Variants in ARV1 observed in about 807,000 individuals in gnomAD.
ARV1 encodes the protein protein ARV1.
In ARV1, 26 loss-of-function variants were observed where a neutral mutation model predicts 31.1. That is an observed-to-expected ratio of 0.84 (90% CI 0.61 to 1.16). ARV1 has a LOEUF of 1.16. ARV1 is among the 50% of genes most tolerant of loss of function. ARV1 has a pLI of 0.00. For missense variants in ARV1, 281 were observed against 324.9 expected, an observed-to-expected ratio of 0.86 and a Z score of 1.04; for synonymous variants, 117 against 123.2, an observed-to-expected ratio of 0.95 and a Z score of 0.34.
chr1:230,994,673 C>T (rs1364680388), intron 3 of ARV1, among the ~76,000 whole-genome samples: 1 of 152,028 alleles, frequency 6.6e-6, no homozygotes, highest in Non-Finnish European at 1.5e-5. Flanking sequence ...TCCCGAGTAG[C>T]TGGGACTACA....
intron 1 of ARV1, 108 bp from the exon 2 acceptor site, chr1:230,988,212 T>C: frequency 1.2e-6 from 1 of 850,906 alleles, no homozygotes. Context: ...ATTGCTAATA[T>C]GGCCATATTG....
intron 1 of ARV1, among the ~76,000 whole-genome samples, chr1:230,987,320 C>G (rs1472090527): frequency 6.6e-6 from 1 of 152,200 alleles, no homozygotes; most frequent in East Asian, 1.9e-4. Context: ...TTTCAGAATG[C>G]TGTTGACCTC....
intron 1 of ARV1, among the ~76,000 whole-genome samples, chr1:230,979,697 G>A (rs578202910): frequency 1.3e-5 from 2 of 152,224 alleles, no homozygotes; most frequent in East Asian, 3.9e-4. Flanking sequence ...ATCAATTGTC[G>A]TTATTGGATG....
intron 4 of ARV1, 134 bp from the exon 5 acceptor site, chr1:230,996,987 A>G (rs1277097758): frequency 9.3e-7 from 1 of 1,072,304 alleles, no homozygotes; most frequent in Non-Finnish European, 1.3e-6. Context: ...GGAGAAGGTA[A>G]CAGCATAGAT....
intron 2 of ARV1, among the ~76,000 whole-genome samples, chr1:230,989,220 C>CCT (rs1679165294): frequency 6.6e-6 from 1 of 152,136 alleles, no homozygotes; most frequent in South Asian, 2.1e-4. Context: ...CTCACTGCAG[C>CCT]CTCTACCTCC....
Position 230,988,303 on chromosome 1 carries a change from A to G in ARV1, c.175-17A>G. 6.3e-7 allele frequency: 1 copy of G among 1,579,334 alleles called. No homozygotes were observed. The highest frequency in any genetic ancestry group is 1.1e-5 in the South Asian group (1 of 87,634). ...GTATACATTTGCTTGTTCTAATATT[A>G]TCTTGTATTATTTCAGAAATCCTGC... On this transcript the variant is annotated splice_polypyrimidine_tract_variant and intron_variant, in intron 1 of 5. Transcript: ENST00000310256.
chr1:230,988,485 C>A, intron 2 of ARV1, 46 bp downstream of exon 2: 1 of 1,403,174 alleles, frequency 7.1e-7, no homozygotes, highest in South Asian at 1.4e-5. Context: ...GATGCTGTTA[C>A]ATTTTAAAAG....
Position 230,979,221 on chromosome 1 carries a change from A to G in ARV1, c.116A>G (p.Gln39Arg), listed in dbSNP as rs1678743727. Residue 39 changes from glutamine to arginine, a missense_variant, in exon 1 of 6, where the codon CAG becomes CGG. Physicochemically the swap from Gln to Arg is conservative, Grantham distance 43. Coordinates refer to ENST00000310256, the MANE Select transcript of ARV1 (RefSeq NM_022786.3). ...CAGTACAGGTGCATCGAATGCAACC[A>G]GGAGGCCAAAGAGTTGTACCGAGAC... ...SCQYRCIECN[Q>R]EAKELYRDYN... 6 of 1,613,530 alleles carry G rather than the reference A, an allele frequency of 3.7e-6. No individual in the cohort carries two copies. Among genetic ancestry groups the G allele is most frequent in the Non-Finnish European group, 5.1e-6 (6 of 1,179,810 alleles).
At position 230,997,167 on chromosome 1, in the gene ARV1, T is replaced by C; in HGVS notation, c.720T>C (p.Ser240=). The C allele has an allele frequency of 6.2e-7, 1 of 1,614,068 alleles. No individual in the cohort carries two copies. Among genetic ancestry groups the C allele is most frequent in the East Asian group, 2.2e-5 (1 of 44,880 alleles). ...NRKLSFLAVL[S]GLLLESIMVY... is the part of the protein sequence containing the mutation. ...AGCTCTCCTTCTTGGCCGTGTTGAG[T>C]GGCTTACTGCTGGAAAGCATCATGG... Residue 240 remains serine (S), a synonymous_variant, in exon 5 of 6, where the codon AGT becomes AGC. Transcript: ENST00000310256.
intron 5 of ARV1, 89 bp downstream of exon 5, chr1:230,997,356 C>T (rs1679399636): frequency 2.7e-6 from 4 of 1,465,348 alleles, no homozygotes; most frequent in Non-Finnish European, 1.9e-6. Context: ...GGTGCCCTTA[C>T]ATAACCCATT....
At chr1:230,997,721 G>A (rs1294315771) in intron 5 of ARV1, among the ~76,000 whole-genome samples, 2 of 152,112 alleles carry the variant, frequency 1.3e-5, no homozygotes. Flanking sequence ...CCTATAGGCT[G>A]TGTTGTGCTC....
At chr1:230,999,758 C>T (rs1679471281) in intron 5 of ARV1, 1 of 152,196 alleles carries the variant, frequency 6.6e-6, no homozygotes, top group Admixed American at 6.5e-5. Flanking sequence ...CAGCTTAACA[C>T]CTACAGCAGT....
At chr1:230,991,405 C>A (rs973873951) in intron 3 of ARV1, among the ~76,000 whole-genome samples, 3 of 152,162 alleles carry the variant, frequency 2.0e-5, no homozygotes, top group African/African-American at 7.2e-5. Flanking sequence ...CTGCATCCCT[C>A]TGCCTTCTCA....
intron 2 of ARV1, among the ~76,000 whole-genome samples, chr1:230,988,815 T>A (rs10779807): frequency 0.34 from 51,064 of 152,082 alleles, 8,854 homozygotes; most frequent in Middle Eastern, 0.57. Context: ...AATGTTTTTT[T>A]AAAACATAAT....
At chr1:230,986,765 G>A (rs1229763844) in intron 1 of ARV1, among the ~76,000 whole-genome samples, 1 of 129,736 alleles carries the variant, frequency 7.7e-6, no homozygotes, top group Non-Finnish European at 1.5e-5. Flanking sequence ...TCGAACTTCT[G>A]GCTTCAAGCG....
intron 3 of ARV1, among the ~76,000 whole-genome samples, 167 bp from the exon 4 acceptor site, chr1:230,995,593 A>AC (rs1679336564): frequency 6.7e-6 from 1 of 149,636 alleles, no homozygotes; most frequent in Non-Finnish European, 1.5e-5. Flanking sequence ...AAAAAAAAAA[A>AC]ACAACACACA....
intron 1 of ARV1, among the ~76,000 whole-genome samples, chr1:230,983,455 G>C (rs1002775929): frequency 1.3e-5 from 2 of 150,664 alleles, no homozygotes; most frequent in African/African-American, 4.9e-5. Flanking sequence ...TATAGGGCTT[G>C]GCTTATTTTA....
At chr1:230,988,605 T>C (rs1045982423) in intron 2 of ARV1, among the ~76,000 whole-genome samples, 166 bp downstream of exon 2, 10 of 152,178 alleles carry the variant, frequency 6.6e-5, no homozygotes, top group Non-Finnish European at 1.2e-4. Flanking sequence ...CTAGAAATAA[T>C]AGATGTTGAT....
chr1:230,990,679 C>A (rs1572340017), intron 3 of ARV1: 1 of 351,032 alleles, frequency 2.8e-6, no homozygotes, highest in Non-Finnish European at 5.8e-6. Flanking sequence ...CTCGGCCCCC[C>A]CAGGTAGCTG....
Sources: allele counts gnomAD v4.1 joint callset (sites outside exome capture counted in the v4.1 genomes callset), GRCh38; gene constraint gnomAD v4.1.1; transcripts MANE v1.5; gene names NCBI Gene and HGNC (gene_info 2026-07-23, HGNC 2026-07-21).